FBXL13: variants seen among roughly 807,000 people sequenced by gnomAD.
FBXL13 encodes the protein F-box and leucine rich repeat protein 13, also known as F-box and leucine-rich repeat protein 13.
FBXL13 carries 67 observed loss-of-function variants against 83.6 expected under a neutral mutation model. The ratio of observed to expected loss-of-function variants is 0.80; its 90% CI spans 0.66 to 0.98. FBXL13 has a LOEUF of 0.98. Ranked by LOEUF, FBXL13 falls within the 50% of genes least tolerant of loss-of-function variation. The probability of loss-of-function intolerance (pLI) is 0.00; values close to 1 mark genes in which losing one functional copy is unlikely to be tolerated. For synonymous variants in FBXL13, 272 were observed against 299.5 expected (o/e 0.91, Z 0.95); for missense variants, 822 against 866.5 (o/e 0.95, Z 0.64).
intron 1 of FBXL13, among the ~76,000 whole-genome samples, chr7:103,070,157 A>G (rs1345535646): frequency 5.9e-5 from 9 of 152,182 alleles, no homozygotes; most frequent in Non-Finnish European, 8.8e-5. Context: ...GAAGAAAATA[A>G]GCAATAGAAG....
intron 8 of FBXL13, among the ~76,000 whole-genome samples, chr7:102,935,984 T>A (rs929379205): frequency 2.0e-5 from 3 of 152,108 alleles, no homozygotes; most frequent in Non-Finnish European, 2.9e-5. Context: ...GAAGTAAATT[T>A]GCTCATTTAC....
intron 1 of FBXL13, among the ~76,000 whole-genome samples, chr7:103,060,020 T>A (rs867266616): frequency 8.2e-4 from 41 of 50,078 alleles, no homozygotes; most frequent in Middle Eastern, 0.033. Flanking sequence ...GCAAGATATT[T>A]TATATATATA....
chr7:102,859,033 T>G (rs1326186585), intron 16 of FBXL13, among the ~76,000 whole-genome samples: 1 of 152,070 alleles, frequency 6.6e-6, no homozygotes, highest in African/African-American at 2.4e-5. Flanking sequence ...TAAAAAAAGA[T>G]TGATGTAATA....
intron 9 of FBXL13, among the ~76,000 whole-genome samples, 191 bp from the exon 11 acceptor site, chr7:102,926,565 T>C (rs529479516): frequency 4.7e-4 from 72 of 152,352 alleles, no homozygotes; most frequent in African/African-American, 1.6e-3. Context: ...CAAAGCATCA[T>C]TACTCCCTCC....
At chr7:102,985,489 AG>A (rs1274812939) in intron 6 of FBXL13, among the ~76,000 whole-genome samples, 2 of 152,240 alleles carry the variant, frequency 1.3e-5, no homozygotes, top group Non-Finnish European at 2.9e-5. Flanking sequence ...CAGGGGCAGC[AG>A]GAAGATCCCC....
chr7:103,050,617 G>A (rs1222716877), intron 2 of FBXL13, among the ~76,000 whole-genome samples: 1 of 152,194 alleles, frequency 6.6e-6, no homozygotes, highest in Non-Finnish European at 1.5e-5. Context: ...GGAAAGGAAA[G>A]GTAGAGAAAG....
chr7:102,938,198 T>C (rs1381424232), intron 8 of FBXL13, among the ~76,000 whole-genome samples: 1 of 152,240 alleles, frequency 6.6e-6, no homozygotes, highest in Non-Finnish European at 1.5e-5. Context: ...TTTAAACTGC[T>C]TTAGCTTCAC....
chr7:102,892,453 T>A (rs994986851), intron 11 of FBXL13, among the ~76,000 whole-genome samples: 1 of 152,214 alleles, frequency 6.6e-6, no homozygotes, highest in Admixed American at 6.5e-5. Flanking sequence ...TATATAAAAA[T>A]GTTTTCATAA....
At chr7:103,022,600 C>T (rs992310307) in intron 6 of FBXL13, among the ~76,000 whole-genome samples, 3 of 152,072 alleles carry the variant, frequency 2.0e-5, no homozygotes, top group Non-Finnish European at 4.4e-5. Flanking sequence ...ATAAATGATA[C>T]TGGGATAACT....
At chr7:102,834,796 G>A (rs1407505807) in intron 17 of FBXL13, 2 of 151,710 alleles carry the variant, frequency 1.3e-5, no homozygotes, top group Non-Finnish European at 2.9e-5. Flanking sequence ...TTTGCTAATG[G>A]ATTTTAAATG....
chr7:103,027,059 C>T (rs1345537078), intron 5 of FBXL13, among the ~76,000 whole-genome samples: 2 of 151,986 alleles, frequency 1.3e-5, no homozygotes, highest in South Asian at 2.1e-4. Flanking sequence ...TTTAGGAGGC[C>T]GAGGCGGGCA....
chr7:102,859,494 A>AT (rs752781262), intron 16 of FBXL13, among the ~76,000 whole-genome samples: 2 of 152,310 alleles, frequency 1.3e-5, no homozygotes, highest in South Asian at 4.1e-4. Context: ...AGGTTCATAA[A>AT]TGCTCCAAAT....
At chr7:102,902,584 T>C (rs1049736655) in intron 11 of FBXL13, among the ~76,000 whole-genome samples, 1 of 152,184 alleles carries the variant, frequency 6.6e-6, no homozygotes, top group African/African-American at 2.4e-5. Flanking sequence ...ATTTAAATAT[T>C]TAATCCATTT....
At chr7:102,976,066 G>T (rs1334076506) in intron 6 of FBXL13, 2 of 766,406 alleles carry the variant, frequency 2.6e-6, no homozygotes, top group Non-Finnish European at 4.8e-6. Flanking sequence ...AAGTTGGACT[G>T]TGAGCGGCCC....
rs1315132108 is a variant in FBXL13, at chr7:102,968,075, G to A, written c.538C>T (p.Gln180Ter). The stretch of plus-strand genomic sequence containing the variant: ...ATCAACATCCAGGCATGATTAACTT[G>A]ACCACATATTATCACATCTTTTAAA... Residue 180 changes from glutamine to a stop codon, truncating the protein, a stop_gained, in exon 7 of 20, where the codon CAA becomes TAA. Transcript: ENST00000313221. LOFTEE classifies it high-confidence loss of function. 6.2e-7 allele frequency: 1 copy of A among 1,613,840 alleles called. No individual in the cohort carries two copies. The highest frequency in any genetic ancestry group is 8.5e-7 in the Non-Finnish European group (1 of 1,179,870).
intron 8 of FBXL13, chr7:102,944,785 C>T (rs995075264): frequency 3.6e-6 from 2 of 559,850 alleles, no homozygotes; most frequent in African/African-American, 3.8e-5. Flanking sequence ...ATGCTATCAT[C>T]CTGCTTGCCT....
intron 6 of FBXL13, among the ~76,000 whole-genome samples, chr7:102,970,665 A>C (rs754454751): frequency 6.6e-6 from 1 of 152,238 alleles, no homozygotes; most frequent in Non-Finnish European, 1.5e-5. Context: ...AACAAGATTC[A>C]AAAGAAACCT....
rs528205675 is a variant in FBXL13, at chr7:102,992,286, C to T, written c.496-24169G>A. Among the ~76,000 whole-genome samples, 8 of 152,268 alleles carry T rather than the reference C, an allele frequency of 5.3e-5. No homozygotes were observed. In the South Asian group the frequency reaches 1.7e-3, roughly 32 times the overall value. Reference sequence around the variant, plus strand: ...TACTCAAGGCCTCAACAACGCAGACCCAACCCACCTTTCCAAACACATCTT... The same window carrying T: ...TACTCAAGGCCTCAACAACGCAGACTCAACCCACCTTTCCAAACACATCTT... On this transcript the variant is annotated intron_variant, in intron 6 of 19. Coordinates refer to ENST00000313221, the Ensembl canonical transcript of FBXL13.
chr7:102,994,898 G>C (rs1411834001), intron 6 of FBXL13, among the ~76,000 whole-genome samples: 1 of 152,154 alleles, frequency 6.6e-6, no homozygotes, highest in African/African-American at 2.4e-5. Flanking sequence ...GTATGTGTGT[G>C]AGCTCTAGTC....
Sources: gnomAD v4.1 joint callset for allele counts (sites outside exome capture counted in the v4.1 genomes callset) on GRCh38, gnomAD v4.1.1 for gene constraint, MANE v1.5 for transcripts, NCBI Gene and HGNC (gene_info 2026-07-23, HGNC 2026-07-21) for gene names.